The following DIS3L2 variants were observed in gnomAD, a reference collection of about 807,000 sequenced individuals.
The protein encoded by DIS3L2 is DIS3 like 3'-5' exoribonuclease 2, also known as DIS3-like exonuclease 2.
In DIS3L2, 34 loss-of-function variants were observed where a neutral mutation model predicts 97.5. That is an observed-to-expected ratio of 0.35 (90% confidence interval 0.27 to 0.46). The LOEUF is 0.46. DIS3L2 is among the 20% of genes least tolerant of loss of function. DIS3L2 has a pLI of 1.00. For synonymous variants in DIS3L2, 435 were observed against 445.2 expected, an observed-to-expected ratio of 0.98 and a Z score of 0.29; for missense variants, 1,038 against 1,146.0, an observed-to-expected ratio of 0.91 and a Z score of 1.36.
At chr2:232,027,038 A>G (rs1316162669) in intron 4 of DIS3L2, among the ~76,000 whole-genome samples, 3 of 152,154 alleles carry the variant, frequency 2.0e-5, no homozygotes. Context: ...GTGATTGTAT[A>G]CACTCTGGTT....
At chr2:231,967,292 G>A (rs761996472) in intron 1 of DIS3L2, among the ~76,000 whole-genome samples, 4 of 152,164 alleles carry the variant, frequency 2.6e-5, no homozygotes, top group Non-Finnish European at 2.9e-5. Context: ...TGCATTATAA[G>A]TTCCTTTTTG....
chr2:232,098,418 A>G (rs1697092456), intron 6 of DIS3L2, among the ~76,000 whole-genome samples: 1 of 148,276 alleles, frequency 6.7e-6, no homozygotes, highest in Admixed American at 6.8e-5. Context: ...CAGTGACACC[A>G]TCTTGGCTCA....
At chr2:232,297,651 T>C (rs1034011011) in intron 13 of DIS3L2, among the ~76,000 whole-genome samples, 16 of 151,656 alleles carry the variant, frequency 1.1e-4, no homozygotes, top group Non-Finnish European at 2.9e-5. Context: ...ACCTGGAACC[T>C]CTCAGCTAGT....
intron 12 of DIS3L2, among the ~76,000 whole-genome samples, chr2:232,262,158 A>G (rs1693725525): frequency 1.3e-5 from 2 of 151,794 alleles, no homozygotes; most frequent in Non-Finnish European, 2.9e-5. Context: ...TCTCCTTAAC[A>G]TGAAGGAGGT....
At chr2:232,051,969 C>T (rs992570204) in intron 5 of DIS3L2, among the ~76,000 whole-genome samples, 2 of 151,602 alleles carry the variant, frequency 1.3e-5, no homozygotes, top group Non-Finnish European at 2.9e-5. Context: ...TAAATGTCTT[C>T]TATAATGTTT....
intron 9 of DIS3L2, among the ~76,000 whole-genome samples, chr2:232,192,018 TA>T: frequency 6.6e-6 from 1 of 152,308 alleles, no homozygotes; most frequent in African/African-American, 2.4e-5. Context: ...GTTTGTTATA[TA>T]CCAGGGGTCA....
intron 13 of DIS3L2, among the ~76,000 whole-genome samples, chr2:232,297,166 A>G (rs1027679000): frequency 3.9e-5 from 6 of 152,078 alleles, no homozygotes; most frequent in Non-Finnish European, 7.4e-5. Flanking sequence ...AGCCCCCTCT[A>G]AGGCATTTCT....
intron 13 of DIS3L2, 133 bp from the exon 14 acceptor site, chr2:232,299,907 C>A: frequency 1.3e-6 from 1 of 783,200 alleles, no homozygotes; most frequent in Non-Finnish European, 2.1e-6. Flanking sequence ...CCAGAGTGGG[C>A]AGGCCCAGGT....
At chr2:232,141,410 C>T (rs529658406) in intron 8 of DIS3L2, among the ~76,000 whole-genome samples, 2 of 152,100 alleles carry the variant, frequency 1.3e-5, no homozygotes, top group African/African-American at 4.8e-5. Context: ...TGACATGAAT[C>T]GACCTAGAGC....
intron 6 of DIS3L2, among the ~76,000 whole-genome samples, chr2:232,119,092 A>G (rs1221295022): frequency 6.6e-6 from 1 of 152,116 alleles, no homozygotes; most frequent in African/African-American, 2.4e-5. Flanking sequence ...GCTGGATATC[A>G]TTATTGCTGC....
chr2:231,981,061 A>G (rs1211746024), intron 1 of DIS3L2, among the ~76,000 whole-genome samples: 1 of 152,146 alleles, frequency 6.6e-6, no homozygotes, highest in Non-Finnish European at 1.5e-5. Flanking sequence ...CTTATGTCTC[A>G]GCCTCCTGAG....
intron 14 of DIS3L2, among the ~76,000 whole-genome samples, chr2:232,307,138 C>T (rs188091105): frequency 7.9e-4 from 121 of 152,366 alleles, no homozygotes; most frequent in Non-Finnish European, 1.1e-3. Flanking sequence ...CTGTGCCTTT[C>T]AGTTGTGGGT....
chr2:232,083,796 A>C (rs192484774), intron 5 of DIS3L2, among the ~76,000 whole-genome samples: 1 of 152,150 alleles, frequency 6.6e-6, no homozygotes, highest in South Asian at 2.1e-4. Flanking sequence ...CGCCAGGCCC[A>C]TAATGTCTTT....
At chr2:232,334,055 G>A in intron 17 of DIS3L2, 68 bp downstream of exon 17, 1 of 1,544,150 alleles carries the variant, frequency 6.5e-7, no homozygotes. Context: ...CACAGTGGGT[G>A]CTCAGTGGCC....
chr2:232,255,370 T>C (rs1378494609), intron 12 of DIS3L2, among the ~76,000 whole-genome samples: 1 of 152,224 alleles, frequency 6.6e-6, no homozygotes, highest in Non-Finnish European at 1.5e-5. Flanking sequence ...CAGTCTCACC[T>C]GGAGTTGAAG....
intron 15 of DIS3L2, 21 bp downstream of exon 15, chr2:232,330,017 G>A (rs201288510): frequency 5.9e-5 from 94 of 1,590,634 alleles, no homozygotes; most frequent in East Asian, 5.3e-4. Flanking sequence ...GGCAGGATTC[G>A]GGGGAGGCCC....
chr2:232,213,321 C>A (rs1368326696), intron 10 of DIS3L2, among the ~76,000 whole-genome samples: 1 of 152,170 alleles, frequency 6.6e-6, no homozygotes, highest in Non-Finnish European at 1.5e-5. Context: ...TACCTTCCAT[C>A]CACTTAGTTT....
rs111436824 is a variant in DIS3L2, at chr2:232,122,449, G to A, written c.602-8170G>A. ...AACTCGCTACAGGCCAGGCACGGTG[G>A]CTCACGCCTGTAATCCCAGCATTTT... On this transcript the variant is annotated intron_variant, in intron 6 of 20. Coordinates refer to ENST00000325385, the MANE Select transcript of DIS3L2 (RefSeq NM_152383.5). Among the ~76,000 whole-genome samples, 20 of 152,322 alleles carry A rather than the reference G, an allele frequency of 1.3e-4. 2 individuals are homozygous for A. The highest frequency in any genetic ancestry group is 4.8e-4 in the African/African-American group (20 of 41,578).
chr2:232,184,622 C>T (rs552469080), intron 9 of DIS3L2, among the ~76,000 whole-genome samples: 1 of 152,006 alleles, frequency 6.6e-6, no homozygotes, highest in South Asian at 2.1e-4. Context: ...TGCACTCCAG[C>T]CTGGGAAACA....
Sources: gnomAD v4.1 joint callset for allele counts (sites outside exome capture counted in the v4.1 genomes callset) on GRCh38, gnomAD v4.1.1 for gene constraint, MANE v1.5 for transcripts, NCBI Gene and HGNC (gene_info 2026-07-23, HGNC 2026-07-21) for gene names.